The following ABCC6 variants were observed in gnomAD, a reference collection of about 807,000 sequenced individuals.
ABCC6 encodes ATP-binding cassette sub-family C member 6.
A neutral mutation model predicts 169.5 loss-of-function variants in ABCC6; 126 were observed. The observed-to-expected ratio is 0.74, with a 90% confidence interval of 0.64 to 0.86. ABCC6 has a LOEUF of 0.86. ABCC6 is among the 40% of genes least tolerant of loss of function. The pLI is 0.00. For missense variants in ABCC6, 1,733 were observed against 1,927.2 expected (o/e 0.90, Z 1.89); for synonymous variants, 752 against 814.7 (o/e 0.92, Z 1.31).
intron 7 of ABCC6, among the ~76,000 whole-genome samples, chr16:16,206,374 C>T (rs2048391324): frequency 6.6e-6 from 1 of 152,044 alleles, no homozygotes; most frequent in Non-Finnish European, 1.5e-5. Flanking sequence ...CCTGTAATCC[C>T]AGCACTTTGG....
chr16:16,189,026 T>A (rs376614484), intron 12 of ABCC6, 52 bp from the exon 13 acceptor site: 1 of 1,603,566 alleles, frequency 6.2e-7, no homozygotes, highest in Non-Finnish European at 8.5e-7. Flanking sequence ...CAAGCATGGA[T>A]AGGGCAGCCT....
chr16:16,170,940 AAGAAAGAAAG>A (rs1399732402), intron 21 of ABCC6, among the ~76,000 whole-genome samples: 31 of 86,084 alleles, frequency 3.6e-4, no homozygotes, highest in South Asian at 4.3e-4. Context: ...AAAAAAAAAA[AAGAAAGAAAG>A]AAAGAAAGAA....
At chr16:16,202,474 G>C (rs894407591) in intron 8 of ABCC6, among the ~76,000 whole-genome samples, 5 of 152,118 alleles carry the variant, frequency 3.3e-5, no homozygotes, top group Non-Finnish European at 2.9e-5. Context: ...CCGACCCCCA[G>C]TACCTCTGAA....
At chr16:16,178,258 C>T (rs534435481) in intron 18 of ABCC6, among the ~76,000 whole-genome samples, 21 of 151,980 alleles carry the variant, frequency 1.4e-4, no homozygotes, top group African/African-American at 3.1e-4. Flanking sequence ...ACCCGGGAGC[C>T]GGAGCTTCCA....
intron 14 of ABCC6, among the ~76,000 whole-genome samples, 166 bp downstream of exon 14, chr16:16,186,958 G>A (rs944263693): frequency 6.6e-6 from 1 of 152,072 alleles, no homozygotes; most frequent in East Asian, 1.9e-4. Flanking sequence ...AGAGCAGCAC[G>A]GTGCCAGTTT....
At chr16:16,180,433 ATTACT>A (rs1408618774) in intron 17 of ABCC6, among the ~76,000 whole-genome samples, 4 of 152,106 alleles carry the variant, frequency 2.6e-5, no homozygotes, top group South Asian at 2.1e-4. Flanking sequence ...TGCACTATTG[ATTACT>A]TTAACTTATT....
chr16:16,149,729 G>T lies in ABCC6; in HGVS notation c.*404C>A. ...TTTCTTTAACTGCATGTGAGTCTGG[G>T]ATTATCCCAAAATAAAAGTGTTAAT... On this transcript the variant is annotated 3_prime_UTR_variant, in exon 31 of 31. Coordinates refer to ENST00000205557, the MANE Select transcript of ABCC6 (RefSeq NM_001171.6). 1 of 362,056 alleles carries T rather than the reference G, an allele frequency of 2.8e-6. No individual in the cohort carries two copies. The highest frequency in any genetic ancestry group is 3.8e-5 in the South Asian group (1 of 26,010). 22.4% of individuals were successfully genotyped at this position (362,056 alleles called of 1,614,324 possible).
At chr16:16,150,295 G>A (rs554117240) in intron 30 of ABCC6, 54 bp from the exon 31 acceptor site, 1 of 1,610,694 alleles carries the variant, frequency 6.2e-7, no homozygotes, top group Non-Finnish European at 8.5e-7. Flanking sequence ...CAGGCTCTCG[G>A]CAGCTGTGAG....
intron 9 of ABCC6, among the ~76,000 whole-genome samples, chr16:16,199,168 T>TA (rs925198363): frequency 1.3e-5 from 2 of 148,850 alleles, no homozygotes; most frequent in South Asian, 4.3e-4. Context: ...ACCCTGTCTT[T>TA]AAAAAAAATT....
chr16:16,161,550 T>A lies in ABCC6; in HGVS notation c.3521A>T (p.Asn1174Ile). Residue 1174 changes from asparagine to isoleucine, a missense_variant, in exon 25 of 31, where the codon AAT becomes ATT. Around this residue, in one of 5 missense-constraint regions of ABCC6, gnomAD observed 1,601 missense variants for 1,635.5 expected, o/e 0.98. Transcript: ENST00000205557. ...RLVADRWLAANVELLGNGLVF... is the reference protein window; with the variant it reads ...RLVADRWLAAIVELLGNGLVF... Reference sequence around the variant, plus strand: ...CAGGCCATTCCCCAGGAGCTCCACATTGGCCGCAAGCCACCTGCAAAGGGA... The same window carrying A: ...CAGGCCATTCCCCAGGAGCTCCACAATGGCCGCAAGCCACCTGCAAAGGGA... 6.2e-7 allele frequency: 1 copy of A among 1,613,898 alleles called. No homozygotes were observed. Among genetic ancestry groups the A allele is most frequent in the South Asian group, 1.1e-5 (1 of 91,086 alleles).
Position 16,221,637 on chromosome 16 carries a change from G to A in ABCC6, c.219+12C>T. On this transcript the variant is annotated intron_variant, in intron 2 of 30. Transcript: ENST00000205557. ...CATTGCCTGGTTCCAGGCTCCCAGG[G>A]ATGGCAGCTACCATCTTGGCTTTGA... 6.2e-7 allele frequency: 1 copy of A among 1,613,758 alleles called. No homozygotes were observed. The highest frequency in any genetic ancestry group is 1.7e-4 in the Middle Eastern group (1 of 6,056).
At chr16:16,212,966 C>T (rs1464732625) in intron 5 of ABCC6, among the ~76,000 whole-genome samples, 1 of 152,080 alleles carries the variant, frequency 6.6e-6, no homozygotes, top group Non-Finnish European at 1.5e-5. Context: ...CGTGAAGGTG[C>T]CCATTTCACC....
chr16:16,165,884 C>T lies in ABCC6; in HGVS notation c.3045G>A (p.Arg1015=). The T allele has an allele frequency of 6.2e-7, 1 of 1,613,168 alleles. No individual in the cohort carries two copies. The highest frequency in any genetic ancestry group is 1.1e-5 in the South Asian group (1 of 91,082). ...SMAAVLLGGA[R]ASRLLFQRLL... ...GCCTCTGGAAGAGCAACCTGGATGCCCGGGCCCCACCTAGGAGCACCGCAG... is the reference window on the plus strand; with the variant it reads ...GCCTCTGGAAGAGCAACCTGGATGCTCGGGCCCCACCTAGGAGCACCGCAG... The change falls in exon 23 of 31, where the codon CGG becomes CGA. Residue 1015 remains arginine (R), a synonymous_variant. Coordinates refer to ENST00000205557, the MANE Select transcript of ABCC6 (RefSeq NM_001171.6).
intron 21 of ABCC6, among the ~76,000 whole-genome samples, chr16:16,171,908 T>C (rs1250932620): frequency 0.11 from 231 of 2,022 alleles, 8 homozygotes; most frequent in African/African-American, 0.24. Context: ...GATAAATGAA[T>C]GGGTGGGTGG....
chr16:16,222,049 G>C (rs2049093457), intron 1 of ABCC6, among the ~76,000 whole-genome samples: 1 of 152,220 alleles, frequency 6.6e-6, no homozygotes, highest in Admixed American at 6.5e-5. Flanking sequence ...CTGAGGACCA[G>C]AGAGGTTGAG....
chr16:16,204,370 C>G (rs2048330012), intron 7 of ABCC6, among the ~76,000 whole-genome samples: 1 of 152,078 alleles, frequency 6.6e-6, no homozygotes, highest in African/African-American at 2.4e-5. Flanking sequence ...ATGTACTTTT[C>G]AACCTATCGT....
At chr16:16,178,697 C>A in intron 18 of ABCC6, 101 bp downstream of exon 18, 1 of 1,372,606 alleles carries the variant, frequency 7.3e-7, no homozygotes, top group Non-Finnish European at 1.0e-6. Flanking sequence ...AAATTGGACT[C>A]AAGTGGAAGG....
rs2047747055 is a variant in ABCC6 at position 16,188,941 on chromosome 16, C to T, written c.1669G>A (p.Val557Met). ...ALVVFAVHTL[V>M]AENAMNAEKA... ...TCTGCATTCATAGCATTCTCGGCCA[C>T]CAGAGTGTGGACAGCAAACACCACC... Residue 557 changes from valine to methionine, a missense_variant, in exon 13 of 31, where the codon GTG becomes ATG. By Grantham distance (21) the Val-to-Met change is conservative. Around this residue, in one of 5 missense-constraint regions of ABCC6, gnomAD observed 1,601 missense variants for 1,635.5 expected, o/e 0.98. Transcript: ENST00000205557. The T allele has an allele frequency of 2.5e-6, 4 of 1,614,108 alleles. No homozygotes were observed. In the East Asian group the frequency reaches 6.7e-5, roughly 27 times the overall value.
At chr16:16,221,910 T>G in intron 1 of ABCC6, 79 bp from the exon 2 acceptor site, 1 of 1,609,420 alleles carries the variant, frequency 6.2e-7, no homozygotes, top group Non-Finnish European at 8.5e-7. Flanking sequence ...GCCAGGCAAC[T>G]TTTTGGATCT....
Sources: allele counts gnomAD v4.1 joint callset (sites outside exome capture counted in the v4.1 genomes callset), GRCh38; gene constraint gnomAD v4.1.1; regional missense constraint gnomAD v4.1.1; transcripts MANE v1.5; gene names NCBI Gene and HGNC (gene_info 2026-07-23, HGNC 2026-07-21).